DOCK8: variants seen among roughly 807,000 people sequenced by gnomAD.
The protein encoded by DOCK8 is dedicator of cytokinesis protein 8.
DOCK8 carries 141 observed loss-of-function variants against 245.6 expected under a neutral mutation model. The ratio of observed to expected loss-of-function variants is 0.57; its 90% CI spans 0.50 to 0.66. DOCK8 has a LOEUF of 0.66. Among genes scored for constraint, DOCK8 ranks in the 30% least tolerant of loss-of-function variants. The pLI is 0.00. For synonymous variants in DOCK8, 1,168 were observed against 970.2 expected, an observed-to-expected ratio of 1.20 and a Z score of -3.79; for missense variants, 2,965 against 2,603.4, an observed-to-expected ratio of 1.14 and a Z score of -3.02.
rs1244178747 is a variant in DOCK8 at position 390,518 on chromosome 9, G to A, written c.2922G>A (p.Met974Ile). 1 of 1,614,194 alleles carries A rather than the reference G, an allele frequency of 6.2e-7. No homozygotes were observed. Among genetic ancestry groups the A allele is most frequent in the South Asian group, 1.1e-5 (1 of 91,080 alleles). Residue 974 changes from methionine (M) to isoleucine (I), a missense_variant, in exon 24 of 48, where the codon ATG (methionine) becomes ATA (isoleucine). By Grantham distance (10) the Met-to-Ile change is conservative (BLOSUM62 1). This residue lies in a region of DOCK8 where 2,825 missense variants were observed against 2,453.5 expected (regional missense o/e 1.15). Coordinates refer to ENST00000432829, the MANE Select transcript of DOCK8 (RefSeq NM_203447.4). ...LALQMVVSTG[M>I]VRETVFKYAW... Reference sequence around the variant, plus strand: ...TTCAGATGGTGGTCAGCACCGGAATGGTGAGAGAAACAGTCTTCAAGTATG... The same window carrying A: ...TTCAGATGGTGGTCAGCACCGGAATAGTGAGAGAAACAGTCTTCAAGTATG...
At chr9:392,373 A>G (rs1031661485) in intron 24 of DOCK8, among the ~76,000 whole-genome samples, 6 of 152,314 alleles carry the variant, frequency 3.9e-5, no homozygotes, top group African/African-American at 1.4e-4. Flanking sequence ...CCAGGATTCA[A>G]ATCCCATGAA....
intron 8 of DOCK8, 80 bp downstream of exon 8, chr9:325,817 T>A (rs2360277): frequency 3.7e-6 from 5 of 1,348,640 alleles, no homozygotes; most frequent in Non-Finnish European, 5.3e-6. Flanking sequence ...TAAATTTCTT[T>A]GCAGCAAGAA....
intron 9 of DOCK8, among the ~76,000 whole-genome samples, chr9:331,469 G>T (rs944074195): frequency 6.6e-6 from 1 of 152,174 alleles, no homozygotes; most frequent in African/African-American, 2.4e-5. Context: ...CATGGGTATT[G>T]TTAAATACTT....
chr9:304,376 C>A (rs2049708520), intron 4 of DOCK8, among the ~76,000 whole-genome samples: 1 of 152,148 alleles, frequency 6.6e-6, no homozygotes, highest in South Asian at 2.1e-4. Context: ...ATGAGCCAGC[C>A]AGGGGGTAAA....
At chr9:392,644 C>T (rs55662699) in intron 24 of DOCK8, among the ~76,000 whole-genome samples, 1 of 152,088 alleles carries the variant, frequency 6.6e-6, no homozygotes, top group Non-Finnish European at 1.5e-5. Context: ...GGAATTTGTA[C>T]TCAGACAACA....
chr9:364,507 G>A (rs1050162878), intron 14 of DOCK8, among the ~76,000 whole-genome samples: 1 of 151,914 alleles, frequency 6.6e-6, no homozygotes, highest in Non-Finnish European at 1.5e-5. Flanking sequence ...CATGATGCAT[G>A]CCTACTATTC....
At chr9:213,346 T>G (rs2046652424), upstream of DOCK8, 1 of 152,080 alleles carries the variant, frequency 6.6e-6, no homozygotes, top group Admixed American at 6.5e-5. Context: ...GATTTTAGTA[T>G]TAGGTGACAA....
chr9:426,775 C>T, intron 33 of DOCK8, 110 bp from the exon 34 acceptor site: 2 of 854,204 alleles, frequency 2.3e-6, no homozygotes, highest in Admixed American at 2.0e-5. Context: ...GTTTTCATTT[C>T]AAGGTTGACT....
At chr9:442,700 A>C (rs1174504024) in intron 42 of DOCK8, among the ~76,000 whole-genome samples, 1 of 151,528 alleles carries the variant, frequency 6.6e-6, no homozygotes, top group East Asian at 1.9e-4. Flanking sequence ...CCCCGATGGG[A>C]TTTGGATGAA....
chr9:364,645 A>G (rs1383871709), intron 14 of DOCK8, among the ~76,000 whole-genome samples: 1 of 151,886 alleles, frequency 6.6e-6, no homozygotes, highest in Non-Finnish European at 1.5e-5. Flanking sequence ...AAAATTGAAA[A>G]AAAAAAAAAA....
In DOCK8 at chr9:452,029, C is replaced by G; in HGVS notation, c.5980C>G (p.Gln1994Glu). The G allele has an allele frequency of 6.3e-7, 1 of 1,575,896 alleles. No homozygotes were observed. The highest frequency in any genetic ancestry group is 8.6e-7 in the Non-Finnish European group (1 of 1,162,678). ...CCACCAGGGACCACTGGAAGTAGCC[C>G]AAGTGTTTTTGGCTGAAATTCCTGC... ...TVNQGPLEVA[Q>E]VFLAEIPADP... The change falls in exon 46 of 48, where the codon CAA (glutamine) becomes GAA (glutamate). Residue 1994 changes from glutamine (Q) to glutamate (E), a missense_variant. Around this residue, in one of 3 missense-constraint regions of DOCK8, gnomAD observed 134 missense variants for 128.1 expected, o/e 1.05. Coordinates refer to ENST00000432829, the MANE Select transcript of DOCK8 (RefSeq NM_203447.4).
At chr9:378,861 G>A (rs978448389) in intron 20 of DOCK8, among the ~76,000 whole-genome samples, 4 of 152,338 alleles carry the variant, frequency 2.6e-5, no homozygotes, top group South Asian at 2.1e-4. Flanking sequence ...AATGCACTTC[G>A]CATGGGAAGG....
chr9:248,557 CTCTCTT>C (rs1264770974), intron 1 of DOCK8, among the ~76,000 whole-genome samples: 3 of 120,872 alleles, frequency 2.5e-5, no homozygotes, highest in African/African-American at 1.1e-4. Flanking sequence ...TTCTCTCTCT[CTCTCTT>C]TCTTTCTTTC....
rs922031025 is a variant in DOCK8, at chr9:435,923, AG to A, written c.5079+949del. On this transcript the variant is annotated intron_variant, in intron 39 of 47. Coordinates refer to ENST00000432829, the MANE Select transcript of DOCK8 (RefSeq NM_203447.4). ...AGCTACAGTAATAGAGTGTTTTTCA[AG>A]CCAGACTCACGAAGTCATTTACAAG... Among the ~76,000 whole-genome samples the A allele has an allele frequency of 4.7e-4, 72 of 152,356 alleles. 1 individual carries two copies. The highest frequency in any genetic ancestry group is 1.7e-3 in the African/African-American group (69 of 41,590).
intron 28 of DOCK8, among the ~76,000 whole-genome samples, chr9:413,348 A>C (rs2055835780): frequency 6.6e-6 from 1 of 152,204 alleles, no homozygotes; most frequent in Non-Finnish European, 1.5e-5. Flanking sequence ...TAGAAAAGGC[A>C]GTGGTTTCTT....
At chr9:260,908 CTGTAT>C (rs1231424162) in intron 1 of DOCK8, among the ~76,000 whole-genome samples, 6 of 152,132 alleles carry the variant, frequency 3.9e-5, no homozygotes, top group African/African-American at 1.4e-4. Context: ...CTCTCAAGTA[CTGTAT>C]TCCCATTTGT....
In DOCK8 at chr9:215,387, A is replaced by G. The variant is rs144788552; in HGVS notation, c.53+358A>G. On this transcript the variant is annotated intron_variant, in intron 1 of 47. Transcript: ENST00000432829. ...GGTAACCGTGTTGGGCGCGCCACGGAGTGTCTCATAAACGGCTCCTTCCTT... is the reference window on the plus strand; with the variant it reads ...GGTAACCGTGTTGGGCGCGCCACGGGGTGTCTCATAAACGGCTCCTTCCTT... 10 of 1,582,894 alleles carry G rather than the reference A, an allele frequency of 6.3e-6. No homozygotes were observed. The East Asian group carries it at 9.6e-5, about 15-fold the overall frequency.
At chr9:292,186 C>G (rs1369526188) in intron 4 of DOCK8, among the ~76,000 whole-genome samples, 1 of 149,782 alleles carries the variant, frequency 6.7e-6, no homozygotes, top group Admixed American at 6.7e-5. Context: ...GCCTGACCAA[C>G]ATGGAGAAAC....
At chr9:379,959 C>T in intron 21 of DOCK8, 24 bp downstream of exon 21, 2 of 1,610,288 alleles carry the variant, frequency 1.2e-6, no homozygotes, top group East Asian at 2.2e-5. Context: ...GAGTGTGGGA[C>T]TCTGGTGGGC....
Sources: allele counts gnomAD v4.1 joint callset (sites outside exome capture counted in the v4.1 genomes callset), GRCh38; gene constraint gnomAD v4.1.1; regional missense constraint gnomAD v4.1.1; transcripts MANE v1.5; gene names NCBI Gene and HGNC (gene_info 2026-07-23, HGNC 2026-07-21).